The following ARHGEF37 variants were observed in gnomAD, a reference collection of about 807,000 sequenced individuals.
The protein encoded by ARHGEF37 is Rho guanine nucleotide exchange factor 37.
In ARHGEF37, 55 loss-of-function variants were observed where a neutral mutation model predicts 71.1. The ratio of observed to expected loss-of-function variants is 0.77; its 90% CI spans 0.62 to 0.97. ARHGEF37 has a LOEUF of 0.97. ARHGEF37 is among the 50% of genes least tolerant of loss of function. The pLI is 0.00. For missense variants in ARHGEF37, 765 were observed against 836.8 expected (o/e 0.91, Z 1.06); for synonymous variants, 327 against 350.6 (o/e 0.93, Z 0.75).
chr5:149,616,539 C>A lies in ARHGEF37; in HGVS notation c.459-28C>A, dbSNP rs180994574. Reference sequence around the variant, plus strand: ...CTGGTCCTCCAGAGGGTGGGATTTACCTGCCTAATACCAGCCTTCTCCCTC... The same window carrying A: ...CTGGTCCTCCAGAGGGTGGGATTTAACTGCCTAATACCAGCCTTCTCCCTC... On this transcript the variant is annotated intron_variant, in intron 4 of 12. Coordinates refer to ENST00000333677, the MANE Select transcript of ARHGEF37 (RefSeq NM_001001669.3). 1.9e-6 allele frequency: 3 copies of A among 1,575,750 alleles called. No homozygotes were observed. The South Asian group carries it at 3.5e-5, about 18-fold the overall frequency.
chr5:149,632,373 G>A lies in ARHGEF37; in HGVS notation c.*182G>A, dbSNP rs1752911786. 3.0e-6 allele frequency: 2 copies of A among 655,822 alleles called. No homozygotes were observed. The highest frequency in any genetic ancestry group is 5.2e-6 in the Non-Finnish European group (2 of 388,030). 40.6% of individuals were successfully genotyped at this position (655,822 alleles called of 1,614,324 possible). ...GCCTCGCAGAGTGCTTGGTGTGGTGGGGGCACAGGAGGCTCCAGCCAGGAC... is the reference window on the plus strand; with the variant it reads ...GCCTCGCAGAGTGCTTGGTGTGGTGAGGGCACAGGAGGCTCCAGCCAGGAC... On this transcript the variant is annotated 3_prime_UTR_variant, in exon 13 of 13. Coordinates refer to ENST00000333677, the MANE Select transcript of ARHGEF37 (RefSeq NM_001001669.3).
Position 149,632,332 on chromosome 5 carries a change from C to T in ARHGEF37, c.*141C>T. ...GGGTGAAGCACACTCAGGAGGCAGCCAGAAGACATGGGCGGGCCTCGCAGA... is the reference window on the plus strand; with the variant it reads ...GGGTGAAGCACACTCAGGAGGCAGCTAGAAGACATGGGCGGGCCTCGCAGA... On this transcript the variant is annotated 3_prime_UTR_variant, in exon 13 of 13. Transcript: ENST00000333677. The T allele has an allele frequency of 1.1e-6, 1 of 926,564 alleles. No homozygotes were observed. The highest frequency in any genetic ancestry group is 1.6e-6 in the Non-Finnish European group (1 of 625,534). 57.4% of individuals were successfully genotyped at this position (926,564 alleles called of 1,614,324 possible).
chr5:149,622,810 A>C (rs998034490), intron 9 of ARHGEF37, among the ~76,000 whole-genome samples: 26 of 152,194 alleles, frequency 1.7e-4, no homozygotes, highest in African/African-American at 5.5e-4. Flanking sequence ...TACAAGAAAG[A>C]ACACCCAACT....
At chr5:149,623,903 A>T in intron 9 of ARHGEF37, 109 bp from the exon 10 acceptor site, 2 of 1,418,700 alleles carry the variant, frequency 1.4e-6, no homozygotes, top group Non-Finnish European at 1.9e-6. Flanking sequence ...CTCAGGACAG[A>T]GTATCACTCA....
chr5:149,554,423 T>C (rs1484984149), intron 1 of ARHGEF37, among the ~76,000 whole-genome samples: 3 of 152,190 alleles, frequency 2.0e-5, no homozygotes, highest in Non-Finnish European at 4.4e-5. Context: ...CATTAAATTC[T>C]ACTGGTCTAA....
intron 10 of ARHGEF37, among the ~76,000 whole-genome samples, chr5:149,626,555 C>A (rs1373139292): frequency 6.6e-6 from 1 of 152,156 alleles, no homozygotes; most frequent in African/African-American, 2.4e-5. Context: ...TTCCACAGTG[C>A]CCTGTAAATG....
At position 149,601,115 on chromosome 5, in the gene ARHGEF37, A is replaced by G; in HGVS notation, c.194A>G (p.Gln65Arg). 6.2e-7 allele frequency: 1 copy of G among 1,610,750 alleles called. No individual in the cohort carries two copies. ...CTTCTTTGTTCCTTCCAGTTGCCGC[A>G]GGGAGATCTGGATGTCCTGTTCTCA... ...DIRSRLQQLPQGDLDVLFSNI... is the reference protein window; with the variant it reads ...DIRSRLQQLPRGDLDVLFSNI... Residue 65 changes from glutamine to arginine, a missense_variant, in exon 3 of 13, where the codon CAG becomes CGG. Gln to Arg is a conservative substitution (Grantham distance 43, BLOSUM62 1). Around this residue, in one of 5 missense-constraint regions of ARHGEF37, gnomAD observed 201 missense variants for 217.5 expected, o/e 0.92. Coordinates refer to ENST00000333677, the MANE Select transcript of ARHGEF37 (RefSeq NM_001001669.3).
intron 2 of ARHGEF37, among the ~76,000 whole-genome samples, chr5:149,598,331 TC>T: frequency 2.0e-5 from 2 of 99,506 alleles, no homozygotes; most frequent in East Asian, 7.8e-4. Context: ...TCTTCTTTCT[TC>T]CTCTTCCTCT....
rs138154884 is a variant in ARHGEF37 at position 149,597,529 on chromosome 5, G to A, written c.-11-230G>A. Among the ~76,000 whole-genome samples, 390 of 152,278 alleles carry A rather than the reference G, an allele frequency of 2.6e-3. 3 individuals are homozygous for A. The highest frequency in any genetic ancestry group is 8.8e-3 in the African/African-American group (366 of 41,550). On this transcript the variant is annotated intron_variant, in intron 1 of 12. Transcript: ENST00000333677. ...CCACCTTGGCCTCCCAAAGTGCTGG[G>A]ATTACAGGCATGAGCCACCACCTAA...
chr5:149,628,860 C>T lies in ARHGEF37; in HGVS notation c.1712C>T (p.Pro571Leu). 1.9e-6 allele frequency: 3 copies of T among 1,613,782 alleles called. No individual in the cohort carries two copies. Among genetic ancestry groups the T allele is most frequent in the Non-Finnish European group, 2.5e-6 (3 of 1,179,980 alleles). The change falls in exon 12 of 13, where the codon CCC becomes CTC. Residue 571 changes from proline (P) to leucine (L), a missense_variant. By Grantham distance (98) the Pro-to-Leu change is moderately conservative. This residue lies in a region of ARHGEF37 where 390 missense variants were observed against 407.4 expected (regional missense o/e 0.96). Transcript: ENST00000333677. ...AGKLQLYHVV[P>L]SAEELRRQAG... ...AAACTACAGCTGTACCATGTGGTCC[C>T]CAGTGCAGAGGAGCTCAGAAGGCAG... is the stretch of plus-strand genomic sequence containing the variant.
chr5:149,618,858 C>T, intron 6 of ARHGEF37, 80 bp from the exon 7 acceptor site: 1 of 1,168,086 alleles, frequency 8.6e-7, no homozygotes, highest in East Asian at 2.4e-5. Context: ...AAGGTTGTCC[C>T]AGTGAGGACC....
At chr5:149,630,223 C>T (rs1055111338) in intron 12 of ARHGEF37, among the ~76,000 whole-genome samples, 1 of 152,138 alleles carries the variant, frequency 6.6e-6, no homozygotes, top group African/African-American at 2.4e-5. Context: ...TTGGAAGCCA[C>T]TAAGGGATTT....
intron 7 of ARHGEF37, among the ~76,000 whole-genome samples, chr5:149,620,063 ACT>A (rs1159251000): frequency 1.4e-5 from 2 of 144,082 alleles, no homozygotes; most frequent in Admixed American, 7.2e-5. Context: ...ACAGAGTGAG[ACT>A]CTGTCTCAAA....
chr5:149,616,722 A>C lies in ARHGEF37; in HGVS notation c.614A>C (p.Asp205Ala). The change falls in exon 5 of 13, where the codon GAC (aspartate) becomes GCC (alanine). Residue 205 changes from aspartate (D) to alanine (A), a missense_variant. Asp to Ala is a moderately radical substitution (Grantham distance 126). Transcript: ENST00000333677. Reference sequence around the variant, plus strand: ...CAGAGGGCTGTCTCTGCCCTCCAGGACGTGAACACCAATATCAATGAGTAC... The same window carrying C: ...CAGAGGGCTGTCTCTGCCCTCCAGGCCGTGAACACCAATATCAATGAGTAC... ...VLQRAVSALQ[D>A]VNTNINEYKM... is the part of the protein sequence containing the mutation. 6.2e-7 allele frequency: 1 copy of C among 1,613,536 alleles called. No homozygotes were observed. The highest frequency in any genetic ancestry group is 8.5e-7 in the Non-Finnish European group (1 of 1,179,536).
intron 1 of ARHGEF37, among the ~76,000 whole-genome samples, chr5:149,594,102 C>T (rs1037716532): frequency 2.0e-5 from 3 of 152,038 alleles, no homozygotes; most frequent in African/African-American, 7.2e-5. Flanking sequence ...AAAGAAATAA[C>T]AATGAGGTTT....
chr5:149,604,563 C>T (rs933548877), intron 3 of ARHGEF37, among the ~76,000 whole-genome samples: 2 of 151,988 alleles, frequency 1.3e-5, no homozygotes, highest in African/African-American at 4.8e-5. Context: ...CTCAGTGCAA[C>T]TGTGTGCCAG....
intron 1 of ARHGEF37, among the ~76,000 whole-genome samples, chr5:149,553,356 T>C (rs1434906340): frequency 2.0e-5 from 3 of 151,732 alleles, no homozygotes; most frequent in Non-Finnish European, 4.4e-5. Context: ...GCCGAGATCG[T>C]GCCACTGCAC....
chr5:149,593,232 T>G (rs746198378), intron 1 of ARHGEF37, among the ~76,000 whole-genome samples: 3 of 152,240 alleles, frequency 2.0e-5, no homozygotes, highest in Non-Finnish European at 4.4e-5. Context: ...TTCTAGTATA[T>G]TCACAGACTT....
intron 1 of ARHGEF37, among the ~76,000 whole-genome samples, chr5:149,555,409 T>TC (rs1762740904): frequency 6.6e-6 from 1 of 151,208 alleles, no homozygotes; most frequent in South Asian, 2.1e-4. Flanking sequence ...GCTCAAGCAA[T>TC]CCCCCTGCCT....
Sources: allele counts gnomAD v4.1 joint callset (sites outside exome capture counted in the v4.1 genomes callset), GRCh38; gene constraint gnomAD v4.1.1; regional missense constraint gnomAD v4.1.1; transcripts MANE v1.5; gene names NCBI Gene and HGNC (gene_info 2026-07-23, HGNC 2026-07-21).